L3MBTL4: variants seen among roughly 807,000 people sequenced by gnomAD.
L3MBTL4 encodes L3MBTL histone methyl-lysine binding protein 4.
L3MBTL4 carries 70 observed loss-of-function variants against 84.5 expected under a neutral mutation model. That is an observed-to-expected ratio of 0.83 (90% CI 0.68 to 1.01). L3MBTL4 has a LOEUF of 1.01. L3MBTL4 is among the 50% of genes least tolerant of loss of function. The pLI is 0.00. For synonymous variants in L3MBTL4, 274 were observed against 259.8 expected (o/e 1.05, Z -0.52); for missense variants, 715 against 754.8 (o/e 0.95, Z 0.62).
intron 1 of L3MBTL4, among the ~76,000 whole-genome samples, chr18:6,410,424 C>T (rs1052312109): frequency 2.6e-5 from 4 of 152,154 alleles, no homozygotes; most frequent in African/African-American, 9.7e-5. Context: ...TGAAGGCAAG[C>T]GTCATGTCGG....
chr18:6,351,578 G>A (rs1320244667), intron 1 of L3MBTL4, among the ~76,000 whole-genome samples: 1 of 151,638 alleles, frequency 6.6e-6, no homozygotes, highest in East Asian at 1.9e-4. Context: ...TTGAGATGGA[G>A]TCTCGCTCTG....
rs531756054 is a variant in L3MBTL4, at chr18:6,088,130, C to A, written c.1373+5225G>T. Among the ~76,000 whole-genome samples, 28 of 152,314 alleles carry A rather than the reference C, an allele frequency of 1.8e-4. No individual in the cohort carries two copies. The South Asian group carries it at 5.8e-3, about 32-fold the overall frequency. On this transcript the variant is annotated intron_variant, in intron 15 of 18. Coordinates refer to ENST00000317931, the MANE Select transcript of L3MBTL4 (RefSeq NM_001330559.2). Reference sequence around the variant, plus strand: ...TATTAAAAAGGTACATGCAGACACACAAATAAGCTGCTGATATGTGGTGTG... The same window carrying A: ...TATTAAAAAGGTACATGCAGACACAAAAATAAGCTGCTGATATGTGGTGTG...
At chr18:6,349,091 T>G (rs2053057201) in intron 1 of L3MBTL4, among the ~76,000 whole-genome samples, 1 of 152,226 alleles carries the variant, frequency 6.6e-6, no homozygotes, top group Non-Finnish European at 1.5e-5. Context: ...ACTACTACAG[T>G]GCAGTTGTCA....
At chr18:6,122,582 G>A (rs976335775) in intron 14 of L3MBTL4, among the ~76,000 whole-genome samples, 2 of 152,178 alleles carry the variant, frequency 1.3e-5, no homozygotes, top group Non-Finnish European at 2.9e-5. Context: ...CTTCCACCAT[G>A]ATTGTGAGGC....
At chr18:6,008,766 C>T (rs774069140) in intron 16 of L3MBTL4, among the ~76,000 whole-genome samples, 92 of 152,246 alleles carry the variant, frequency 6.0e-4, no homozygotes, top group Non-Finnish European at 1.0e-3. Context: ...TCCTAAACTG[C>T]ATACTGTTTA....
chr18:6,336,531 AAGG>A (rs1375875102), intron 1 of L3MBTL4, among the ~76,000 whole-genome samples: 3 of 152,228 alleles, frequency 2.0e-5, no homozygotes, highest in African/African-American at 7.2e-5. Context: ...AAAACTCAAC[AAGG>A]AGAAGAGGTG....
intron 12 of L3MBTL4, among the ~76,000 whole-genome samples, chr18:6,198,354 G>A (rs1996925): frequency 0.081 from 12,326 of 152,160 alleles, 1,644 homozygotes; most frequent in African/African-American, 0.28. Flanking sequence ...GAGAAAGAGA[G>A]AACACTACAT....
At position 6,080,229 on chromosome 18, in the gene L3MBTL4, C is replaced by T. The variant is rs542392320; in HGVS notation, c.1444+652G>A. On this transcript the variant is annotated intron_variant, in intron 16 of 18. Transcript: ENST00000317931. ...GATCTCCTACATCTTCCGGGAGACA[C>T]AAATGTACAGAGCTGCCAAGGCTGC... The T allele has an allele frequency of 2.0e-4, 30 of 152,328 alleles. 2 individuals carry two copies. Among genetic ancestry groups the T allele is most frequent in the African/African-American group, 7.2e-4 (30 of 41,558 alleles). The allele number at this position is 152,328 out of a possible 1,614,324, so 9.4% of individuals were successfully genotyped here.
chr18:6,133,737 G>T (rs2144571466), intron 14 of L3MBTL4, among the ~76,000 whole-genome samples: 1 of 152,254 alleles, frequency 6.6e-6, no homozygotes, highest in East Asian at 1.9e-4. Context: ...GTCACAGCTG[G>T]GAGGTGCCAG....
At chr18:6,006,187 G>A (rs903526718) in intron 16 of L3MBTL4, among the ~76,000 whole-genome samples, 11 of 152,172 alleles carry the variant, frequency 7.2e-5, no homozygotes, top group African/African-American at 2.2e-4. Flanking sequence ...GATATCTCTA[G>A]AGGGGAAGCC....
chr18:5,957,447 T>C (rs2095233410), intron 18 of L3MBTL4, among the ~76,000 whole-genome samples: 1 of 151,828 alleles, frequency 6.6e-6, no homozygotes, highest in South Asian at 2.1e-4. Context: ...ACTCACAGGA[T>C]GGCAGTGGCC....
chr18:6,063,754 T>C (rs977047190), intron 16 of L3MBTL4, among the ~76,000 whole-genome samples: 2 of 152,118 alleles, frequency 1.3e-5, no homozygotes, highest in Non-Finnish European at 2.9e-5. Context: ...TTCTGGATAC[T>C]AGTCCTTTGT....
At chr18:6,107,091 T>C (rs942411579) in intron 14 of L3MBTL4, among the ~76,000 whole-genome samples, 1 of 152,250 alleles carries the variant, frequency 6.6e-6, no homozygotes, top group African/African-American at 2.4e-5. Flanking sequence ...GGCATTAGAA[T>C]AGTGCTTATG....
chr18:6,400,193 A>G (rs888417334), intron 1 of L3MBTL4, among the ~76,000 whole-genome samples: 1 of 152,246 alleles, frequency 6.6e-6, no homozygotes, highest in East Asian at 1.9e-4. Context: ...TACACTATTG[A>G]AAAGTTTTGT....
intron 10 of L3MBTL4, among the ~76,000 whole-genome samples, chr18:6,224,961 G>A (rs1443616925): frequency 2.6e-5 from 4 of 151,956 alleles, no homozygotes; most frequent in Non-Finnish European, 5.9e-5. Flanking sequence ...ATAAAGTGAG[G>A]AAGATTTAAA....
At chr18:6,116,686 G>C (rs900889956) in intron 14 of L3MBTL4, among the ~76,000 whole-genome samples, 1 of 152,150 alleles carries the variant, frequency 6.6e-6, no homozygotes, top group Non-Finnish European at 1.5e-5. Flanking sequence ...TTGAAGTAGA[G>C]AAAAGTTGTT....
intron 16 of L3MBTL4, among the ~76,000 whole-genome samples, chr18:5,990,415 T>C (rs893556609): frequency 2.6e-5 from 4 of 152,216 alleles, no homozygotes; most frequent in Admixed American, 2.6e-4. Flanking sequence ...ATGTTATTAA[T>C]TCACATGGGG....
At chr18:6,368,401 T>C (rs1230038699) in intron 1 of L3MBTL4, among the ~76,000 whole-genome samples, 4 of 152,180 alleles carry the variant, frequency 2.6e-5, no homozygotes, top group Admixed American at 6.5e-5. Context: ...TGACTACCCA[T>C]TGGATTATCT....
At chr18:6,008,700 T>C (rs938997485) in intron 16 of L3MBTL4, among the ~76,000 whole-genome samples, 4 of 152,178 alleles carry the variant, frequency 2.6e-5, no homozygotes, top group African/African-American at 9.7e-5. Flanking sequence ...ACACATGAAT[T>C]TGGGAAAACA....
Sources: allele counts gnomAD v4.1 joint callset (sites outside exome capture counted in the v4.1 genomes callset), GRCh38; gene constraint gnomAD v4.1.1; transcripts MANE v1.5; gene names NCBI Gene and HGNC (gene_info 2026-07-23, HGNC 2026-07-21).